Variants in SKI observed in about 807,000 individuals in gnomAD.
SKI encodes SKI proto-oncogene, also known as ski oncogene.
A neutral mutation model predicts 59.3 loss-of-function variants in SKI; 23 were observed. The observed-to-expected ratio is 0.39, with a 90% CI of 0.28 to 0.55. The LOEUF (loss-of-function observed/expected upper bound fraction) is 0.55, where lower values mean the gene tolerates loss of function less well. SKI is among the 20% of genes least tolerant of loss of function. The pLI, the probability that SKI is intolerant of heterozygous loss-of-function variation, is 0.67. For synonymous variants in SKI, 673 were observed against 488.6 expected, an observed-to-expected ratio of 1.38 and a Z score of -4.98; for missense variants, 1,017 against 1,038.9, an observed-to-expected ratio of 0.98 and a Z score of 0.29.
At chr1:2,247,232 A>G (rs1639019051) in intron 1 of SKI, among the ~76,000 whole-genome samples, 1 of 152,030 alleles carries the variant, frequency 6.6e-6, no homozygotes, top group Admixed American at 6.5e-5. Context: ...AAAACAAAAA[A>G]CAAAAAAGGG....
chr1:2,280,205 TA>T (rs891723159), intron 1 of SKI, among the ~76,000 whole-genome samples: 252 of 135,862 alleles, frequency 1.9e-3, no homozygotes, highest in East Asian at 1.8e-3. Context: ...ACGTATCTAC[TA>T]AAAAAAAAAA....
chr1:2,237,200 C>T (rs116543468), intron 1 of SKI, among the ~76,000 whole-genome samples: 3,454 of 152,254 alleles, frequency 0.023, 65 homozygotes, highest in Non-Finnish European at 0.035. Flanking sequence ...CTGACCTCAC[C>T]GGGAAGTGCG....
rs1344096411 is a variant in SKI at position 2,306,570 on chromosome 1, C to G, written c.1999-7C>G. The G allele has an allele frequency of 6.5e-7, 1 of 1,541,246 alleles. No individual in the cohort carries two copies. Among genetic ancestry groups the G allele is most frequent in the East Asian group, 2.5e-5 (1 of 40,660 alleles). ...CAGGCGCCGCTGACCACTCGGCTCC[C>G]TTTCAGATCGAAGACCTGCAGGTGA... On this transcript the variant is annotated splice_polypyrimidine_tract_variant and splice_region_variant and intron_variant, in intron 6 of 6. Transcript: ENST00000378536.
chr1:2,309,480 G>A lies in SKI; in HGVS notation c.*2715G>A, dbSNP rs548263163. 107 of 152,136 alleles carry A rather than the reference G, an allele frequency of 7.0e-4. No homozygotes were observed. Among genetic ancestry groups the A allele is most frequent in the African/African-American group, 2.5e-3 (103 of 41,482 alleles). 9.4% of individuals were successfully genotyped at this position (152,136 alleles called of 1,614,324 possible). A position where few individuals can be genotyped will look rare whatever the true frequency, so the allele number is the denominator to read the frequency against. On this transcript the variant is annotated 3_prime_UTR_variant, in exon 7 of 7. Coordinates refer to ENST00000378536, the MANE Select transcript of SKI (RefSeq NM_003036.4). ...AAATACTTTTTCCTTTTTCACCGTT[G>A]TATTATACATGTATATGCTGGGTCC... is the stretch of plus-strand genomic sequence containing the variant.
rs1557831353 is a variant in SKI at position 2,270,849 on chromosome 1, G to T, written c.970-32129G>T. Among the ~76,000 whole-genome samples, 1 of 152,208 alleles carries T rather than the reference G, an allele frequency of 6.6e-6. No individual in the cohort carries two copies. The highest frequency in any genetic ancestry group is 1.5e-5 in the Non-Finnish European group (1 of 68,022). On this transcript the variant is annotated intron_variant, in intron 1 of 6. Coordinates refer to ENST00000378536, the MANE Select transcript of SKI (RefSeq NM_003036.4). The surrounding 1 kb of genome is among the most constrained non-coding windows in gnomAD (Gnocchi z 4.1). ...AGAGGACCAGCATGGAGGTGCACAA[G>T]TTCACATTTGTCCCTCTCCTGCCCC...
At position 2,229,921 on chromosome 1, in the gene SKI, A is replaced by C. The variant is rs1042679605; in HGVS notation, c.969+186A>C. Among the ~76,000 whole-genome samples the C allele has an allele frequency of 6.6e-6, 1 of 152,182 alleles. No individual in the cohort carries two copies. Among genetic ancestry groups the C allele is most frequent in the Admixed American group, 6.5e-5 (1 of 15,282 alleles). On this transcript the variant is annotated intron_variant, in intron 1 of 6. Coordinates refer to ENST00000378536, the MANE Select transcript of SKI (RefSeq NM_003036.4). This position sits in a 1 kb window ranked among gnomAD's most constrained non-coding sequence, Gnocchi z 6.3. Reference sequence around the variant, plus strand: ...GGCAGGGCCAGAGAGTTTGGTAGGAAGGCCCTCCTGCCCGTTCCCCAGGAC... The same window carrying C: ...GGCAGGGCCAGAGAGTTTGGTAGGACGGCCCTCCTGCCCGTTCCCCAGGAC...
chr1:2,259,861 G>A (rs772957797), intron 1 of SKI, among the ~76,000 whole-genome samples: 148 of 152,330 alleles, frequency 9.7e-4, no homozygotes, highest in Middle Eastern at 6.8e-3. Context: ...GATGCGTGGC[G>A]TGTGCTGGGC....
intron 1 of SKI, among the ~76,000 whole-genome samples, chr1:2,230,819 T>G (rs1193711398): frequency 6.6e-6 from 1 of 152,080 alleles, no homozygotes; most frequent in African/African-American, 2.4e-5. Context: ...GCATCAAACT[T>G]TTTTTTTCTA....
intron 4 of SKI, 39 bp from the exon 5 acceptor site, chr1:2,304,254 A>C (rs1424950035): frequency 3.2e-6 from 5 of 1,551,684 alleles, no homozygotes; most frequent in Non-Finnish European, 1.7e-6. Context: ...GCTGCCGGGC[A>C]CTTCCATGAC....
chr1:2,278,167 T>G (rs1639787146), intron 1 of SKI, among the ~76,000 whole-genome samples: 1 of 152,222 alleles, frequency 6.6e-6, no homozygotes, highest in Non-Finnish European at 1.5e-5. Flanking sequence ...GCTCCCAGCC[T>G]TGGGTCCCAA....
intron 1 of SKI, among the ~76,000 whole-genome samples, chr1:2,272,539 G>C (rs1193961426): frequency 2.6e-5 from 4 of 152,222 alleles, no homozygotes; most frequent in Non-Finnish European, 5.9e-5. Flanking sequence ...CACAAGCCCT[G>C]GTCCTGCCAA....
intron 1 of SKI, among the ~76,000 whole-genome samples, chr1:2,247,246 C>T (rs989423100): frequency 3.9e-5 from 6 of 152,062 alleles, no homozygotes; most frequent in African/African-American, 7.2e-5. Context: ...AAAAGGGAGC[C>T]GTGGGCATGT....
chr1:2,266,687 G>A (rs1639507371), intron 1 of SKI, among the ~76,000 whole-genome samples: 1 of 152,176 alleles, frequency 6.6e-6, no homozygotes, highest in Admixed American at 6.5e-5. Context: ...GCGGGCCCTG[G>A]CATCGCAGTC....
intron 1 of SKI, among the ~76,000 whole-genome samples, chr1:2,234,640 C>T (rs983499610): frequency 6.6e-6 from 1 of 152,172 alleles, no homozygotes; most frequent in African/African-American, 2.4e-5. Flanking sequence ...GGCCTGGGCC[C>T]TGACTGTCTG....
intron 1 of SKI, among the ~76,000 whole-genome samples, chr1:2,277,228 A>G (rs1639761690): frequency 6.6e-6 from 1 of 152,120 alleles, no homozygotes; most frequent in African/African-American, 2.4e-5. Flanking sequence ...TGAATAGCTG[A>G]GATTACAGGC....
intron 1 of SKI, among the ~76,000 whole-genome samples, chr1:2,289,292 A>G (rs751716424): frequency 2.0e-5 from 3 of 152,130 alleles, no homozygotes; most frequent in Admixed American, 6.5e-5. Flanking sequence ...CTCAGTGGCC[A>G]TGGCTGTTTG....
chr1:2,264,050 C>G (rs892103398), intron 1 of SKI, among the ~76,000 whole-genome samples: 1 of 151,778 alleles, frequency 6.6e-6, no homozygotes, highest in African/African-American at 2.4e-5. Context: ...ACCATTAAAA[C>G]CTACTCGGAC....
chr1:2,291,671 C>CT (rs1370381199), intron 1 of SKI, among the ~76,000 whole-genome samples: 3 of 108,968 alleles, frequency 2.8e-5, no homozygotes, highest in African/African-American at 1.1e-4. Context: ...ATGGATGGGT[C>CT]TTTGTGTTTT....
intron 1 of SKI, among the ~76,000 whole-genome samples, chr1:2,296,976 G>A (rs966994145): frequency 1.1e-4 from 17 of 152,132 alleles, no homozygotes; most frequent in Non-Finnish European, 4.4e-5. Context: ...CACAAGGCCC[G>A]TGGCCTCTGC....
Sources: gnomAD v4.1 joint callset for allele counts (sites outside exome capture counted in the v4.1 genomes callset) on GRCh38, gnomAD v4.1.1 for gene constraint, Gnocchi (gnomAD v3.1) non-coding constraint, MANE v1.5 for transcripts, NCBI Gene and HGNC (gene_info 2026-07-23, HGNC 2026-07-21) for gene names.